BMI1: variants seen among roughly 807,000 people sequenced by gnomAD.
BMI1 encodes BMI1 proto-oncogene, polycomb ring finger, also known as polycomb complex protein BMI-1.
Under a neutral mutation model 39.1 loss-of-function variants are expected in BMI1, and 9 were observed. The ratio of observed to expected loss-of-function variants is 0.23; its 90% confidence interval spans 0.14 to 0.40. The LOEUF is 0.40. Among genes scored for constraint, BMI1 ranks in the 10% least tolerant of loss-of-function variants. BMI1 has a pLI of 1.00. For synonymous variants in BMI1, 131 were observed against 127.9 expected, an observed-to-expected ratio of 1.02 and a Z score of -0.16; for missense variants, 252 against 390.8, an observed-to-expected ratio of 0.64 and a Z score of 2.99.
intron 1 of BMI1, chr10:22,326,085 CCG>C (rs150559665): frequency 2.5e-3 from 436 of 174,018 alleles, no homozygotes; most frequent in Non-Finnish European, 4.3e-3. Context: ...TGGTAAATAT[CCG>C]CGGGGATTGT....
rs902166473 is a variant in BMI1 at position 22,329,653 on chromosome 10, T to G, written c.*111T>G. On this transcript the variant is annotated 3_prime_UTR_variant, in exon 10 of 10. Coordinates refer to ENST00000376663, the MANE Select transcript of BMI1 (RefSeq NM_005180.9). ...CATGTGACTATCGTCCAATTTGCTT[T>G]CTTTTGTAGTGACATTAAATTTGGC... 3.6e-5 allele frequency: 47 copies of G among 1,301,656 alleles called. No individual in the cohort carries two copies. The highest frequency in any genetic ancestry group is 4.6e-5 in the Non-Finnish European group (44 of 966,418). The allele number at this position is 1,301,656 out of a possible 1,614,324, so 80.6% of individuals were successfully genotyped here. A position where few individuals can be genotyped will look rare whatever the true frequency, so the allele number is the denominator to read the frequency against.
Position 22,329,226 on chromosome 10 carries a change from C to T in BMI1, c.665C>T (p.Pro222Leu). 1 of 1,613,622 alleles carries T rather than the reference C, an allele frequency of 6.2e-7. No homozygotes were observed. ...TTAACTTTGTAGAATGGTCCACTTC[C>T]ATTGAAATACAGAGTTCGACCTACT... ...IYTWRRNGPL[P>L]LKYRVRPTCK... Residue 222 changes from proline to leucine, a missense_variant, in exon 10 of 10, where the codon CCA (proline) becomes CTA (leucine). By Grantham distance (98) the Pro-to-Leu change is moderately conservative. Coordinates refer to ENST00000376663, the MANE Select transcript of BMI1 (RefSeq NM_005180.9).
chr10:22,327,675 A>C, intron 4 of BMI1, 25 bp downstream of exon 4: 1 of 1,613,096 alleles, frequency 6.2e-7, no homozygotes, highest in Non-Finnish European at 8.5e-7. Context: ...TAGAAAATGA[A>C]TTTAAAGAGA....
At chr10:22,321,968 G>C (rs2131998281) in intron 1 of BMI1, 1 of 144,648 alleles carries the variant, frequency 6.9e-6, no homozygotes, top group African/African-American at 2.5e-5. Context: ...AGCCCGCGCC[G>C]CGCCGCCGCC....
chr10:22,321,934 C>A (rs1218061663), intron 1 of BMI1, among the ~76,000 whole-genome samples: 1 of 145,052 alleles, frequency 6.9e-6, no homozygotes, highest in Non-Finnish European at 1.5e-5. Context: ...CCCGCCGACT[C>A]CCGCGGCGCC....
At position 22,326,167 on chromosome 10, in the gene BMI1, C is replaced by T. The variant is rs566896199; in HGVS notation, c.-19-264C>T. The T allele has an allele frequency of 4.2e-5, 15 of 357,326 alleles. 3 individuals carry two copies. Among genetic ancestry groups the T allele is most frequent in the African/African-American group, 3.0e-4 (14 of 47,002 alleles). The allele number at this position is 357,326 out of a possible 1,614,324, so 22.1% of individuals were successfully genotyped here. A position where few individuals can be genotyped will look rare whatever the true frequency, so the allele number is the denominator to read the frequency against. ...TGGAAGAAAGAGACCCTAATACGCT[C>T]AGCTCCCAGCCCCCACCCCAGACTT... On this transcript the variant is annotated intron_variant, in intron 1 of 9. Coordinates refer to ENST00000376663, the MANE Select transcript of BMI1 (RefSeq NM_005180.9).
intron 4 of BMI1, 31 bp from the exon 5 acceptor site, chr10:22,327,711 C>T (rs1407031777): frequency 1.2e-6 from 2 of 1,613,018 alleles, no homozygotes; most frequent in Non-Finnish European, 1.7e-6. Context: ...TTGTGTTATG[C>T]CAAATGTTTA....
intron 1 of BMI1, among the ~76,000 whole-genome samples, chr10:22,322,814 A>G (rs1054179796): frequency 6.6e-6 from 1 of 152,194 alleles, no homozygotes; most frequent in Non-Finnish European, 1.5e-5. Context: ...AGTTGATTGC[A>G]TATGTTTACG....
intron 3 of BMI1, 88 bp downstream of exon 3, chr10:22,327,074 A>G: frequency 6.9e-7 from 1 of 1,458,482 alleles, no homozygotes; most frequent in South Asian, 1.2e-5. Context: ...CTTCACAGAA[A>G]ATTTACTCTT....
In BMI1 at chr10:22,329,080, G is replaced by A. The variant is rs11012947; in HGVS notation, c.603G>A (p.Lys201=). Residue 201 remains lysine (K), a synonymous_variant, in exon 9 of 10, where the codon AAG becomes AAA. Coordinates refer to ENST00000376663, the MANE Select transcript of BMI1 (RefSeq NM_005180.9). ...TCATGTATGAGGAGGAACCTTTAAA[G>A]GATTATTATACACTAATGGATATTG... ...IDVMYEEEPL[K]DYYTLMDIAY... 344 of 1,610,950 alleles carry A rather than the reference G, an allele frequency of 2.1e-4. 1 individual carries two copies. The African/African-American group carries it at 4.1e-3, about 19-fold the overall frequency.
At chr10:22,325,656 C>G (rs1004978490) in intron 1 of BMI1, 1 of 148,046 alleles carries the variant, frequency 6.8e-6, no homozygotes, top group Admixed American at 6.7e-5. Context: ...CCGCCCCGCA[C>G]GCCCGCCGAG....
intron 7 of BMI1, 39 bp from the exon 8 acceptor site, chr10:22,328,561 A>ATATC: frequency 1.3e-6 from 2 of 1,570,038 alleles, no homozygotes. Flanking sequence ...TCATATCTTA[A>ATATC]AGTAACTGAA....
chr10:22,328,569 GA>G, intron 7 of BMI1, 30 bp from the exon 8 acceptor site: 1 of 1,571,074 alleles, frequency 6.4e-7, no homozygotes, highest in Non-Finnish European at 8.6e-7. Context: ...TAAAGTAACT[GA>G]AAAAGTTACT....
chr10:22,325,552 GCCCCGCCCCCCCGGCGTCGCCGCACCCA>G (rs886434499), intron 1 of BMI1: 3 of 144,094 alleles, frequency 2.1e-5, no homozygotes, highest in Non-Finnish European at 3.1e-5. Context: ...TCGTGGGGCT[GCCCCGCCCCCCCGGCGTCGCCGCACCCA>G]CCCCGCCCCC....
Position 22,329,680 on chromosome 10 carries a change from A to T in BMI1, c.*138A>T. On this transcript the variant is annotated 3_prime_UTR_variant, in exon 10 of 10. Transcript: ENST00000376663. ...TTTTGTAGTGACATTAAATTTGGCT[A>T]TAAAAGATGGACTACATGTGATACT... 1 of 1,037,512 alleles carries T rather than the reference A, an allele frequency of 9.6e-7. No individual in the cohort carries two copies. Among genetic ancestry groups the T allele is most frequent in the African/African-American group, 1.6e-5 (1 of 61,830 alleles). 64.3% of individuals were successfully genotyped at this position (1,037,512 alleles called of 1,614,324 possible). A position where few individuals can be genotyped will look rare whatever the true frequency, so the allele number is the denominator to read the frequency against.
chr10:22,331,701 T>C (rs1387125632), downstream of BMI1, among the ~76,000 whole-genome samples: 1 of 152,058 alleles, frequency 6.6e-6, no homozygotes, highest in African/African-American at 2.4e-5. Context: ...AAATTTTACA[T>C]CTCAATCTCT....
At chr10:22,325,452 C>T (rs1836112275) in intron 1 of BMI1, among the ~76,000 whole-genome samples, 1 of 152,052 alleles carries the variant, frequency 6.6e-6, no homozygotes, top group Non-Finnish European at 1.5e-5. Context: ...TTTCCTTTCG[C>T]GGGCGCTGCC....
Position 22,321,479 on chromosome 10 carries a change from C to G in BMI1, c.-237C>G, listed in dbSNP as rs1835996057. 1 of 158,222 alleles carries G rather than the reference C, an allele frequency of 6.3e-6. No homozygotes were observed. The highest frequency in any genetic ancestry group is 2.4e-5 in the African/African-American group (1 of 41,396). 9.8% of individuals were successfully genotyped at this position (158,222 alleles called of 1,614,324 possible). A position where few individuals can be genotyped will look rare whatever the true frequency, so the allele number is the denominator to read the frequency against. The stretch of plus-strand genomic sequence containing the variant: ...GAGGAGGCCGAGGCGCCGGAGGAGG[C>G]CGAGGCGCCGGAGCAGGAGGAGGCC... On this transcript the variant is annotated 5_prime_UTR_variant, in exon 1 of 10. Transcript: ENST00000376663.
In BMI1 at chr10:22,326,310, G is replaced by A. The variant is rs1221041424; in HGVS notation, c.-19-121G>A. The A allele has an allele frequency of 2.9e-6, 4 of 1,378,692 alleles. No homozygotes were observed. In the African/African-American group the frequency reaches 5.8e-5, roughly 20 times the overall value. The allele number at this position is 1,378,692 out of a possible 1,614,324, so 85.4% of individuals were successfully genotyped here. A position where few individuals can be genotyped will look rare whatever the true frequency, so the allele number is the denominator to read the frequency against. ...GTAAATTCCTTCTGTAGAAACGTTA[G>A]GACAGCCCAGCTGTACAGTGTTAAA... On this transcript the variant is annotated intron_variant, in intron 1 of 9. Coordinates refer to ENST00000376663, the MANE Select transcript of BMI1 (RefSeq NM_005180.9).
Sources: allele counts gnomAD v4.1 joint callset (sites outside exome capture counted in the v4.1 genomes callset), GRCh38; gene constraint gnomAD v4.1.1; transcripts MANE v1.5; gene names NCBI Gene and HGNC (gene_info 2026-07-23, HGNC 2026-07-21).